CNTN1: variants seen among roughly 807,000 people sequenced by gnomAD.
CNTN1 encodes the protein contactin-1.
A neutral mutation model predicts 126.4 loss-of-function variants in CNTN1; 38 were observed. That is an observed-to-expected ratio of 0.30 (90% confidence interval 0.23 to 0.39). The LOEUF is 0.39. Among genes scored for constraint, CNTN1 ranks in the 10% least tolerant of loss-of-function variants. The pLI, the probability that CNTN1 is intolerant of heterozygous loss-of-function variation, is 1.00. For synonymous variants in CNTN1, 413 were observed against 422.6 expected, an observed-to-expected ratio of 0.98 and a Z score of 0.28; for missense variants, 1,009 against 1,248.4, an observed-to-expected ratio of 0.81 and a Z score of 2.89.
At chr12:40,726,371 T>C (rs1251283474) in intron 1 of CNTN1, among the ~76,000 whole-genome samples, 1 of 152,210 alleles carries the variant, frequency 6.6e-6, no homozygotes, top group East Asian at 1.9e-4. Context: ...AGAGGTTTCA[T>C]TGACTCACAG....
chr12:40,915,846 A>G (rs1945218633), intron 3 of CNTN1, among the ~76,000 whole-genome samples: 2 of 152,118 alleles, frequency 1.3e-5, no homozygotes, highest in Non-Finnish European at 2.9e-5. Context: ...TGCTCCCAAC[A>G]TGACCATCTG....
chr12:40,978,478 G>A (rs1016273830), intron 15 of CNTN1, among the ~76,000 whole-genome samples: 2 of 152,118 alleles, frequency 1.3e-5, no homozygotes, highest in South Asian at 2.1e-4. Flanking sequence ...AATGAAGACT[G>A]TATTGTGGAT....
At chr12:40,698,228 A>ATTTTTTTT (rs35570862) in intron 1 of CNTN1, among the ~76,000 whole-genome samples, 6 of 69,884 alleles carry the variant, frequency 8.6e-5, no homozygotes, top group Non-Finnish European at 1.0e-4. Flanking sequence ...CAGCCACTTA[A>ATTTTTTTT]TTTTTTTTTT....
intron 23 of CNTN1, among the ~76,000 whole-genome samples, chr12:41,066,373 C>CTAT (rs1281712914): frequency 3.3e-5 from 5 of 152,104 alleles, no homozygotes; most frequent in Admixed American, 3.3e-4. Flanking sequence ...TTTCCTCTAA[C>CTAT]CATCTTCTTC....
At chr12:40,753,111 G>T (rs1445586854) in intron 1 of CNTN1, among the ~76,000 whole-genome samples, 4 of 151,930 alleles carry the variant, frequency 2.6e-5, no homozygotes, top group Admixed American at 2.6e-4. Flanking sequence ...CCTTGCAGGG[G>T]CCTGCAACCA....
intron 23 of CNTN1, among the ~76,000 whole-genome samples, chr12:41,065,633 C>T (rs1950034120): frequency 6.6e-6 from 1 of 152,120 alleles, no homozygotes; most frequent in Admixed American, 6.6e-5. Flanking sequence ...ATAGGAGAAG[C>T]AGGAATTAAC....
intron 1 of CNTN1, among the ~76,000 whole-genome samples, chr12:40,806,590 A>G (rs191962507): frequency 6.6e-6 from 1 of 152,098 alleles, no homozygotes; most frequent in South Asian, 2.1e-4. Context: ...CCTAACGCCA[A>G]TCTTCTTTAT....
At chr12:40,906,871 T>C (rs1466679672) in intron 1 of CNTN1, among the ~76,000 whole-genome samples, 2 of 151,710 alleles carry the variant, frequency 1.3e-5, no homozygotes, top group East Asian at 3.9e-4. Flanking sequence ...GAGATGGGGG[T>C]TTCACCATGT....
intron 7 of CNTN1, among the ~76,000 whole-genome samples, chr12:40,930,315 G>C (rs1343695635): frequency 6.6e-6 from 1 of 151,918 alleles, no homozygotes; most frequent in Admixed American, 6.6e-5. Context: ...TCTACTTTTT[G>C]TTTTGTGGCC....
At chr12:40,893,522 G>A (rs1396240184) in intron 1 of CNTN1, among the ~76,000 whole-genome samples, 4 of 151,856 alleles carry the variant, frequency 2.6e-5, no homozygotes, top group African/African-American at 7.3e-5. Flanking sequence ...ACCTTGGCAG[G>A]AACTTTAGAT....
intron 1 of CNTN1, among the ~76,000 whole-genome samples, chr12:40,809,518 A>AAC (rs1555161960): frequency 4.6e-5 from 7 of 151,864 alleles, no homozygotes; most frequent in African/African-American, 1.7e-4. Context: ...GAATGGAAAG[A>AAC]ATATATATAT....
chr12:40,941,008 T>C (rs1946247924), intron 12 of CNTN1, among the ~76,000 whole-genome samples: 1 of 152,182 alleles, frequency 6.6e-6, no homozygotes, highest in Non-Finnish European at 1.5e-5. Flanking sequence ...CTTTTTCTGA[T>C]TCTGATGAAG....
At chr12:40,913,441 A>G (rs1945117026) in intron 3 of CNTN1, among the ~76,000 whole-genome samples, 1 of 152,166 alleles carries the variant, frequency 6.6e-6, no homozygotes, top group African/African-American at 2.4e-5. Flanking sequence ...GTAAATGTAA[A>G]AATTTCCATT....
intron 1 of CNTN1, among the ~76,000 whole-genome samples, chr12:40,810,790 C>G (rs1236475912): frequency 6.6e-6 from 1 of 152,148 alleles, no homozygotes; most frequent in South Asian, 2.1e-4. Flanking sequence ...GCTAAGACTG[C>G]AGGATTGCTT....
At chr12:41,060,190 A>C (rs1280051112) in intron 23 of CNTN1, among the ~76,000 whole-genome samples, 2 of 152,196 alleles carry the variant, frequency 1.3e-5, no homozygotes, top group African/African-American at 4.8e-5. Flanking sequence ...TCCACAAAAA[A>C]AGAGAAGCAA....
chr12:40,701,667 G>T (rs934118854), intron 1 of CNTN1, among the ~76,000 whole-genome samples: 1 of 151,650 alleles, frequency 6.6e-6, no homozygotes, highest in Admixed American at 6.6e-5. Context: ...TTTTTCTTTT[G>T]GTCTACTTAT....
intron 22 of CNTN1, 93 bp from the exon 23 acceptor site, chr12:41,028,966 TAATC>T (rs1949088688): frequency 8.6e-7 from 1 of 1,161,322 alleles, no homozygotes; most frequent in Non-Finnish European, 1.3e-6. Context: ...TACTTTTTGT[TAATC>T]AAAGTATAAG....
chr12:40,693,760 C>A (rs1289636798), intron 1 of CNTN1, among the ~76,000 whole-genome samples: 4 of 152,134 alleles, frequency 2.6e-5, no homozygotes, highest in African/African-American at 4.8e-5. Flanking sequence ...CCTTCTCAAG[C>A]AATCTGGAAG....
At chr12:40,798,390 A>G (rs1940523827) in intron 1 of CNTN1, among the ~76,000 whole-genome samples, 1 of 152,016 alleles carries the variant, frequency 6.6e-6, no homozygotes, top group Non-Finnish European at 1.5e-5. Context: ...TTGCCCAACT[A>G]AAGACTTTTT....
Sources: allele counts gnomAD v4.1 joint callset (sites outside exome capture counted in the v4.1 genomes callset), GRCh38; gene constraint gnomAD v4.1.1; transcripts MANE v1.5; gene names NCBI Gene and HGNC (gene_info 2026-07-23, HGNC 2026-07-21).